Variants in CGNL1 observed in about 807,000 individuals in gnomAD.
The protein encoded by CGNL1 is cingulin like 1, also known as cingulin-like protein 1.
In CGNL1, 132 loss-of-function variants were observed where a neutral mutation model predicts 141.2. That is an observed-to-expected ratio of 0.93 (90% CI 0.81 to 1.08). The LOEUF (loss-of-function observed/expected upper bound fraction) is 1.08. Ranked by LOEUF, CGNL1 falls within the 50% of genes least tolerant of loss-of-function variation. The pLI is 0.00. For synonymous variants in CGNL1, 690 were observed against 622.1 expected (o/e 1.11, Z -1.63); for missense variants, 1,870 against 1,588.6 (o/e 1.18, Z -3.01).
chr15:57,379,900 C>T (rs1383458992), intron 1 of CGNL1, among the ~76,000 whole-genome samples: 5 of 152,110 alleles, frequency 3.3e-5, no homozygotes, highest in African/African-American at 7.2e-5. Flanking sequence ...GGAGGGAAGG[C>T]TTAGTGTTTT....
chr15:57,419,088 C>T (rs1025051292), intron 1 of CGNL1, among the ~76,000 whole-genome samples: 2 of 152,114 alleles, frequency 1.3e-5, no homozygotes, highest in African/African-American at 4.8e-5. Flanking sequence ...TGCGCCACCA[C>T]GCCCGGCTAA....
At chr15:57,387,858 G>C (rs2062500599) in intron 1 of CGNL1, among the ~76,000 whole-genome samples, 1 of 152,214 alleles carries the variant, frequency 6.6e-6, no homozygotes, top group African/African-American at 2.4e-5. Flanking sequence ...GTGGAGGCCT[G>C]GGCCAGATTT....
chr15:57,494,997 A>C (rs1308190660), intron 8 of CGNL1, among the ~76,000 whole-genome samples: 4 of 152,194 alleles, frequency 2.6e-5, no homozygotes, highest in African/African-American at 9.7e-5. Context: ...GGAACCGTGA[A>C]GATTGTTTTC....
chr15:57,416,808 G>C (rs1243097900), intron 1 of CGNL1, among the ~76,000 whole-genome samples: 1 of 152,218 alleles, frequency 6.6e-6, no homozygotes, highest in Non-Finnish European at 1.5e-5. Context: ...TTTGCAGTTA[G>C]TTGATTGTTT....
chr15:57,462,620 A>C lies in CGNL1; in HGVS notation c.2403+728A>C, dbSNP rs185542129. Among the ~76,000 whole-genome samples, 97 of 152,332 alleles carry C rather than the reference A, an allele frequency of 6.4e-4. No individual in the cohort carries two copies. In the Middle Eastern group the frequency reaches 0.02, roughly 32 times the overall value. Reference sequence around the variant, plus strand: ...GAGACTCTGCAATATATAGGTTAAAAATGATGAAGAAAGAATTCTTGATAT... The same window carrying C: ...GAGACTCTGCAATATATAGGTTAAACATGATGAAGAAAGAATTCTTGATAT... On this transcript the variant is annotated intron_variant, in intron 8 of 18. Transcript: ENST00000281282.
chr15:57,421,552 C>A (rs535087117), intron 1 of CGNL1, among the ~76,000 whole-genome samples: 20 of 152,018 alleles, frequency 1.3e-4, no homozygotes, highest in Non-Finnish European at 2.5e-4. Flanking sequence ...CTAAAACAAG[C>A]GTTAGGATTG....
chr15:57,444,605 C>T (rs1347315139), intron 4 of CGNL1, among the ~76,000 whole-genome samples: 6 of 152,094 alleles, frequency 3.9e-5, no homozygotes, highest in Non-Finnish European at 7.4e-5. Flanking sequence ...TCAGGGTAGC[C>T]CTTCTAGGGA....
At position 57,516,962 on chromosome 15, in the gene CGNL1, G is replaced by T; in HGVS notation, c.2586G>T (p.Ala862=). 1 of 1,613,398 alleles carries T rather than the reference G, an allele frequency of 6.2e-7. No individual in the cohort carries two copies. The highest frequency in any genetic ancestry group is 1.1e-5 in the South Asian group (1 of 91,030). Reference sequence around the variant, plus strand: ...ACCTGAAAGGCGATGAAGCCAAGGCGAAGGAAACGCTGAAGAAGTACGAGG... The same window carrying T: ...ACCTGAAAGGCGATGAAGCCAAGGCTAAGGAAACGCTGAAGAAGTACGAGG... ...IEDLKGDEAK[A]KETLKKYEGE... The change falls in exon 9 of 19, where the codon GCG becomes GCT. Residue 862 remains alanine, a synonymous_variant. Coordinates refer to ENST00000281282, the MANE Select transcript of CGNL1 (RefSeq NM_032866.5).
intron 8 of CGNL1, among the ~76,000 whole-genome samples, chr15:57,467,790 A>C (rs1477958643): frequency 6.6e-6 from 1 of 150,946 alleles, no homozygotes; most frequent in African/African-American, 2.4e-5. Context: ...CCTGGGTTCA[A>C]ATGATTCTTG....
At chr15:57,536,866 C>A (rs1480443986) in intron 14 of CGNL1, among the ~76,000 whole-genome samples, 2 of 152,162 alleles carry the variant, frequency 1.3e-5, no homozygotes, top group African/African-American at 4.8e-5. Context: ...TTCCCATCGT[C>A]CCTGAATGAG....
At chr15:57,435,440 G>A (rs1483312084) in intron 1 of CGNL1, among the ~76,000 whole-genome samples, 1 of 148,026 alleles carries the variant, frequency 6.8e-6, no homozygotes, top group Admixed American at 6.8e-5. Context: ...CTCCTGGGCA[G>A]TGTGTTCAGG....
intron 8 of CGNL1, among the ~76,000 whole-genome samples, chr15:57,501,459 G>A (rs2064023227): frequency 6.6e-6 from 1 of 152,238 alleles, no homozygotes; most frequent in African/African-American, 2.4e-5. Context: ...AGAGAGCCCT[G>A]TCCTCAGGGG....
intron 1 of CGNL1, among the ~76,000 whole-genome samples, chr15:57,405,671 C>G (rs116482289): frequency 6.6e-6 from 1 of 152,216 alleles, no homozygotes; most frequent in African/African-American, 2.4e-5. Flanking sequence ...CTCCCTCAGC[C>G]CAGACTCTGA....
At position 57,528,802 on chromosome 15, in the gene CGNL1, T is replaced by TCC; in HGVS notation, c.3189_3190insCC (p.Lys1064ProfsTer39). On this transcript the variant is annotated frameshift_variant, in exon 13 of 19. Transcript: ENST00000281282. LOFTEE classifies it high-confidence loss of function. ...CTCAAAGATGACCGCAGCAGGCTGGTCAAGCAGATGGAGGTCTGTGGGCCG... is the reference window on the plus strand; with the variant it reads ...CTCAAAGATGACCGCAGCAGGCTGGTCCCAAGCAGATGGAGGTCTGTGGGCCG... 1 of 1,613,738 alleles carries TCC rather than the reference T, an allele frequency of 6.2e-7. No individual in the cohort carries two copies. Among genetic ancestry groups the TCC allele is most frequent in the Non-Finnish European group, 8.5e-7 (1 of 1,179,954 alleles).
At chr15:57,502,861 G>A (rs1370848854) in intron 8 of CGNL1, among the ~76,000 whole-genome samples, 7 of 152,120 alleles carry the variant, frequency 4.6e-5, no homozygotes, top group African/African-American at 7.2e-5. Flanking sequence ...AATGAGGCTC[G>A]GAGAAGTTGT....
chr15:57,449,336 C>G (rs1483551335), intron 4 of CGNL1, among the ~76,000 whole-genome samples: 1 of 152,326 alleles, frequency 6.6e-6, no homozygotes, highest in East Asian at 1.9e-4. Context: ...TCTCTAAACT[C>G]TAATCTCTAT....
intron 1 of CGNL1, among the ~76,000 whole-genome samples, chr15:57,382,577 C>G (rs2062436325): frequency 1.3e-5 from 2 of 152,212 alleles, no homozygotes; most frequent in Admixed American, 6.5e-5. Context: ...TTTCCTGTTA[C>G]TTATCTCTTT....
intron 1 of CGNL1, among the ~76,000 whole-genome samples, chr15:57,435,113 G>A (rs2063089675): frequency 6.6e-6 from 1 of 152,116 alleles, no homozygotes; most frequent in Non-Finnish European, 1.5e-5. Context: ...AAGGATAGGT[G>A]TATAGAAAAG....
At position 57,546,171 on chromosome 15, in the gene CGNL1, G is replaced by A; in HGVS notation, c.3705G>A (p.Glu1235=). ...LESSKKKLQR[E]LEEQMDMNEH... is the part of the protein sequence containing the mutation. ...GTTCTAAAAAGAAGCTGCAGAGGGA[G>A]CTGGAGGAGCAGATGGACATGAATG... Residue 1235 remains glutamate, a synonymous_variant, in exon 18 of 19, where the codon GAG becomes GAA. Transcript: ENST00000281282. The A allele has an allele frequency of 6.2e-7, 1 of 1,611,548 alleles. No homozygotes were observed. The highest frequency in any genetic ancestry group is 8.5e-7 in the Non-Finnish European group (1 of 1,178,862).
Sources: allele counts gnomAD v4.1 joint callset (sites outside exome capture counted in the v4.1 genomes callset), GRCh38; gene constraint gnomAD v4.1.1; transcripts MANE v1.5; gene names NCBI Gene and HGNC (gene_info 2026-07-23, HGNC 2026-07-21).